The following TMC1 variants were observed in gnomAD, a reference collection of about 807,000 sequenced individuals.
TMC1 encodes the protein transmembrane channel like 1, also known as transmembrane channel-like protein 1.
In TMC1, 84 loss-of-function variants were observed where a neutral mutation model predicts 105.8. The observed-to-expected ratio is 0.79, with a 90% CI of 0.67 to 0.95. TMC1 has a LOEUF of 0.95. Ranked by LOEUF, TMC1 falls within the 40% of genes least tolerant of loss-of-function variation. The probability of loss-of-function intolerance (pLI) is 0.00; values close to 1 mark genes in which losing one functional copy is unlikely to be tolerated. For missense variants in TMC1, 817 were observed against 914.1 expected, an observed-to-expected ratio of 0.89 and a Z score of 1.37; for synonymous variants, 315 against 311.5, an observed-to-expected ratio of 1.01 and a Z score of -0.12.
intron 8 of TMC1, among the ~76,000 whole-genome samples, chr9:72,726,145 A>G (rs1291048168): frequency 1.3e-5 from 2 of 152,226 alleles, no homozygotes; most frequent in Non-Finnish European, 2.9e-5. Context: ...TTTACATTTC[A>G]AATATAAGGG....
intron 20 of TMC1, among the ~76,000 whole-genome samples, chr9:72,822,947 C>A (rs1024440998): frequency 6.6e-6 from 1 of 152,136 alleles, no homozygotes; most frequent in Admixed American, 6.5e-5. Context: ...TCTGGCTTTC[C>A]TAATTGGCAA....
rs773195404 is a variant in TMC1 at position 72,792,284 on chromosome 9, G to A, written c.1498G>A (p.Gly500Arg). The A allele has an allele frequency of 1.9e-6, 3 of 1,613,982 alleles. No homozygotes were observed. Among genetic ancestry groups the A allele is most frequent in the Non-Finnish European group, 2.5e-6 (3 of 1,180,016 alleles). The change falls in exon 17 of 24, where the codon GGA becomes AGA. Residue 500 changes from glycine to arginine, a missense_variant. Physicochemically the swap from Gly to Arg is moderately radical, Grantham distance 125 (BLOSUM62 -2). Coordinates refer to ENST00000297784, the MANE Select transcript of TMC1 (RefSeq NM_138691.3). ...TGCATCATTCTCTGAAAATAGCACT[G>A]GACCACCCTTTTTTGTTCACCCTGC... ...YNASFSENST[G>R]PPFFVHPADV...
chr9:72,563,343 G>A (rs1824091033), intron 1 of TMC1, among the ~76,000 whole-genome samples: 1 of 152,138 alleles, frequency 6.6e-6, no homozygotes, highest in Non-Finnish European at 1.5e-5. Context: ...TGGTAATTTG[G>A]CTTCATAAGA....
intron 3 of TMC1, among the ~76,000 whole-genome samples, chr9:72,624,460 C>G (rs1825311322): frequency 6.6e-6 from 1 of 152,144 alleles, no homozygotes; most frequent in Admixed American, 6.5e-5. Context: ...TCGAAATGGC[C>G]AAGCCATTCA....
intron 1 of TMC1, among the ~76,000 whole-genome samples, chr9:72,559,514 C>A (rs535121466): frequency 1.5e-4 from 23 of 152,228 alleles, no homozygotes; most frequent in Non-Finnish European, 2.2e-4. Context: ...TCTGTAACGA[C>A]CAGGTCATAT....
rs188783422 is a variant in TMC1, at chr9:72,791,204, C to G, written c.1225-682C>G. 1.4e-3 allele frequency among the ~76,000 whole-genome samples: 212 copies of G among 152,104 alleles called. 1 individual carries two copies. The highest frequency in any genetic ancestry group is 2.3e-3 in the Non-Finnish European group (159 of 67,990). The stretch of plus-strand genomic sequence containing the variant: ...ATTCCTTCTTCTTTCTCTCTCCCCC[C>G]TCTCCCCACCCCTGCATTATTCTCT... On this transcript the variant is annotated intron_variant, in intron 15 of 23. Coordinates refer to ENST00000297784, the MANE Select transcript of TMC1 (RefSeq NM_138691.3).
At chr9:72,698,700 T>G (rs924592718) in intron 7 of TMC1, among the ~76,000 whole-genome samples, 1 of 151,976 alleles carries the variant, frequency 6.6e-6, no homozygotes, top group Non-Finnish European at 1.5e-5. Flanking sequence ...GGAGGAACAA[T>G]GGAAAGGGTT....
intron 8 of TMC1, among the ~76,000 whole-genome samples, chr9:72,725,555 G>A (rs1423325213): frequency 6.6e-6 from 1 of 151,514 alleles, no homozygotes; most frequent in African/African-American, 2.4e-5. Context: ...GGAGAAAGAT[G>A]TTGTCGGGGA....
At chr9:72,546,869 G>A (rs1306851082) in intron 1 of TMC1, among the ~76,000 whole-genome samples, 1 of 152,132 alleles carries the variant, frequency 6.6e-6, no homozygotes, top group Non-Finnish European at 1.5e-5. Flanking sequence ...TCAAAAGTTG[G>A]TACTCATTTC....
intron 8 of TMC1, among the ~76,000 whole-genome samples, chr9:72,716,736 C>T (rs1054817882): frequency 1.3e-5 from 2 of 152,196 alleles, no homozygotes; most frequent in African/African-American, 4.8e-5. Context: ...GACCACTTGG[C>T]TCCCTGGCTT....
At chr9:72,715,694 T>G (rs1826905245) in intron 8 of TMC1, among the ~76,000 whole-genome samples, 3 of 151,638 alleles carry the variant, frequency 2.0e-5, no homozygotes, top group African/African-American at 7.3e-5. Context: ...TTCTTTTCAT[T>G]GGGTTAGAAC....
chr9:72,758,575 C>G (rs1827706815), intron 12 of TMC1, among the ~76,000 whole-genome samples: 1 of 152,136 alleles, frequency 6.6e-6, no homozygotes, highest in Admixed American at 6.6e-5. Flanking sequence ...TCTTGAGTAT[C>G]GTGCATAGAT....
intron 3 of TMC1, among the ~76,000 whole-genome samples, chr9:72,617,991 A>T (rs1366027992): frequency 6.7e-6 from 1 of 148,914 alleles, no homozygotes; most frequent in Non-Finnish European, 1.5e-5. Context: ...AGGTGAAGAC[A>T]AGGATAGGAG....
At chr9:72,638,179 A>G (rs1825565710) in intron 4 of TMC1, among the ~76,000 whole-genome samples, 1 of 151,986 alleles carries the variant, frequency 6.6e-6, no homozygotes, top group African/African-American at 2.4e-5. Context: ...GCCTGCCCAT[A>G]CTATTCCAAT....
intron 5 of TMC1, among the ~76,000 whole-genome samples, chr9:72,681,548 A>T (rs1294825825): frequency 6.6e-6 from 1 of 152,118 alleles, no homozygotes; most frequent in East Asian, 1.9e-4. Flanking sequence ...TTCACATTTC[A>T]TATTTGCTCT....
intron 1 of TMC1, among the ~76,000 whole-genome samples, chr9:72,530,082 G>T (rs927125839): frequency 1.6e-4 from 24 of 152,160 alleles, no homozygotes; most frequent in African/African-American, 5.8e-4. Context: ...GTGTATCTGG[G>T]CAGGTGGGCA....
chr9:72,614,535 A>T (rs538754303), intron 2 of TMC1, among the ~76,000 whole-genome samples: 1 of 152,224 alleles, frequency 6.6e-6, no homozygotes, highest in Non-Finnish European at 1.5e-5. Flanking sequence ...TGCTGCTTAT[A>T]TGTAATTTGT....
At chr9:72,634,886 C>G (rs1825507979) in intron 4 of TMC1, among the ~76,000 whole-genome samples, 1 of 152,188 alleles carries the variant, frequency 6.6e-6, no homozygotes, top group South Asian at 2.1e-4. Flanking sequence ...TGGGAAGGAG[C>G]ATGAAGCTTC....
At chr9:72,777,302 C>A (rs1291403249) in intron 13 of TMC1, among the ~76,000 whole-genome samples, 1 of 152,040 alleles carries the variant, frequency 6.6e-6, no homozygotes, top group Non-Finnish European at 1.5e-5. Flanking sequence ...ATTTTCCCAC[C>A]CCCAATTAAT....
Sources: allele counts gnomAD v4.1 joint callset (sites outside exome capture counted in the v4.1 genomes callset), GRCh38; gene constraint gnomAD v4.1.1; transcripts MANE v1.5; gene names NCBI Gene and HGNC (gene_info 2026-07-23, HGNC 2026-07-21).